Variants in MACROD2 observed in about 807,000 individuals in gnomAD.
MACROD2 encodes mono-ADP ribosylhydrolase 2, also known as ADP-ribose glycohydrolase MACROD2.
In MACROD2, 36 loss-of-function variants were observed where a neutral mutation model predicts 70.4. The ratio of observed to expected loss-of-function variants is 0.51; its 90% CI spans 0.39 to 0.68. MACROD2 has a LOEUF of 0.68. Ranked by LOEUF, MACROD2 falls within the 30% of genes least tolerant of loss-of-function variation. The probability of loss-of-function intolerance (pLI) is 0.00; values close to 1 mark genes in which losing one functional copy is unlikely to be tolerated. For missense variants in MACROD2, 496 were observed against 538.4 expected, an observed-to-expected ratio of 0.92 and a Z score of 0.78; for synonymous variants, 172 against 178.8, an observed-to-expected ratio of 0.96 and a Z score of 0.30.
intron 5 of MACROD2, among the ~76,000 whole-genome samples, chr20:15,166,448 C>G (rs2076384559): frequency 6.6e-6 from 1 of 152,126 alleles, no homozygotes; most frequent in South Asian, 2.1e-4. Flanking sequence ...CCCAAGCAGC[C>G]TGGCATCTTA....
intron 5 of MACROD2, among the ~76,000 whole-genome samples, chr20:15,114,615 G>T (rs371573275): frequency 6.6e-6 from 1 of 152,148 alleles, no homozygotes; most frequent in Admixed American, 6.5e-5. Context: ...ATCCAATTAA[G>T]CCATGCCCAG....
rs192529935 is a variant in MACROD2 at position 14,844,205 on chromosome 20, C to T, written c.418+159246C>T. The stretch of plus-strand genomic sequence containing the variant: ...TCTTCATAGTAAGATAATTTTTTTT[C>T]CCCCAAAATCCCAGTAGTCTGGGTG... On this transcript the variant is annotated intron_variant, in intron 5 of 17. Coordinates refer to ENST00000684519, the MANE Select transcript of MACROD2 (RefSeq NM_001351661.2). 1.1e-4 allele frequency among the ~76,000 whole-genome samples: 16 copies of T among 151,830 alleles called. 2 individuals carry two copies. Among genetic ancestry groups the T allele is most frequent in the Admixed American group, 6.6e-5 (1 of 15,218 alleles).
intron 2 of MACROD2, among the ~76,000 whole-genome samples, chr20:14,069,572 G>T (rs1295008515): frequency 6.7e-6 from 1 of 150,264 alleles, no homozygotes; most frequent in Non-Finnish European, 1.5e-5. Context: ...TACTGAAATG[G>T]CATTAAAAAA....
chr20:14,072,699 C>T (rs2053862979), intron 2 of MACROD2, among the ~76,000 whole-genome samples: 1 of 152,108 alleles, frequency 6.6e-6, no homozygotes, highest in Non-Finnish European at 1.5e-5. Context: ...ACTTTGGGAG[C>T]TGAGGTGGGC....
intron 5 of MACROD2, among the ~76,000 whole-genome samples, chr20:14,808,872 C>A (rs1718536963): frequency 6.6e-6 from 1 of 151,912 alleles, no homozygotes; most frequent in Non-Finnish European, 1.5e-5. Context: ...GGGATCAATG[C>A]AACAAGAAGA....
chr20:15,192,014 G>GTATGTATC lies in MACROD2; in HGVS notation c.419-37923_419-37922insGTATCTAT, dbSNP rs775631414. On this transcript the variant is annotated intron_variant, in intron 5 of 17. Coordinates refer to ENST00000684519, the MANE Select transcript of MACROD2 (RefSeq NM_001351661.2). ...ACTATATGTGCCCTCTATTAACTATGTATCTATCTATCTATCTATCTATCT... is the reference window on the plus strand; with the variant it reads ...ACTATATGTGCCCTCTATTAACTATGTATGTATCTATCTATCTATCTATCTATCTATCT... 5.9e-4 allele frequency among the ~76,000 whole-genome samples: 87 copies of GTATGTATC among 146,388 alleles called. 1 individual carries two copies. Among genetic ancestry groups the GTATGTATC allele is most frequent in the Non-Finnish European group, 7.9e-4 (53 of 67,002 alleles).
chr20:14,775,919 C>T (rs1467656723), intron 5 of MACROD2, among the ~76,000 whole-genome samples: 1 of 151,984 alleles, frequency 6.6e-6, no homozygotes, highest in East Asian at 1.9e-4. Context: ...AAAGAGCAAA[C>T]AGAAGATTGG....
intron 7 of MACROD2, among the ~76,000 whole-genome samples, chr20:15,491,063 A>C (rs1014494809): frequency 5.9e-5 from 9 of 152,202 alleles, no homozygotes; most frequent in African/African-American, 1.7e-4. Flanking sequence ...AATGCTACTA[A>C]GTAGAGTGAC....
At chr20:15,947,174 A>G in intron 12 of MACROD2, among the ~76,000 whole-genome samples, 1 of 152,084 alleles carries the variant, frequency 6.6e-6, no homozygotes, top group East Asian at 1.9e-4. Flanking sequence ...GGCAGGAGAT[A>G]GAGGCCTTCC....
At chr20:14,341,977 T>C (rs1388827324) in intron 3 of MACROD2, among the ~76,000 whole-genome samples, 1 of 152,154 alleles carries the variant, frequency 6.6e-6, no homozygotes, top group Non-Finnish European at 1.5e-5. Flanking sequence ...GTTCCACATA[T>C]CACATTCCCA....
intron 3 of MACROD2, among the ~76,000 whole-genome samples, chr20:14,465,781 C>T (rs2084438239): frequency 6.6e-6 from 1 of 152,042 alleles, no homozygotes; most frequent in African/African-American, 2.4e-5. Context: ...TTTATTTCTC[C>T]TTCACTTATG....
chr20:14,490,359 T>G (rs1600296824), intron 3 of MACROD2, among the ~76,000 whole-genome samples: 1 of 152,214 alleles, frequency 6.6e-6, no homozygotes, highest in East Asian at 1.9e-4. Flanking sequence ...GTTTTCACTT[T>G]GTAAACAGTA....
intron 5 of MACROD2, among the ~76,000 whole-genome samples, chr20:15,176,017 C>T (rs552704068): frequency 1.3e-5 from 2 of 152,250 alleles, no homozygotes; most frequent in Non-Finnish European, 2.9e-5. Flanking sequence ...CCTCTCCCTG[C>T]TCCCAGTACC....
chr20:15,173,420 A>AT (rs558841403), intron 5 of MACROD2, among the ~76,000 whole-genome samples: 216 of 152,176 alleles, frequency 1.4e-3, no homozygotes, highest in African/African-American at 4.9e-3. Context: ...AAGTGATAGG[A>AT]TTTTTTTTAT....
chr20:14,705,451 A>G (rs980173916), intron 5 of MACROD2, among the ~76,000 whole-genome samples: 3 of 152,184 alleles, frequency 2.0e-5, no homozygotes, highest in Non-Finnish European at 2.9e-5. Flanking sequence ...GAGTAAGTCT[A>G]TATCCCCAGG....
At chr20:14,057,735 T>C (rs1197016162) in intron 2 of MACROD2, among the ~76,000 whole-genome samples, 1 of 152,168 alleles carries the variant, frequency 6.6e-6, no homozygotes, top group Non-Finnish European at 1.5e-5. Context: ...CAAAGTAGCA[T>C]TATTTGTATT....
At chr20:14,792,993 A>G (rs2072467959) in intron 5 of MACROD2, among the ~76,000 whole-genome samples, 1 of 152,054 alleles carries the variant, frequency 6.6e-6, no homozygotes. Flanking sequence ...TACTCAAGAA[A>G]CATTTACTGA....
chr20:14,573,023 A>G (rs1412772355), intron 4 of MACROD2, among the ~76,000 whole-genome samples: 1 of 150,836 alleles, frequency 6.6e-6, no homozygotes, highest in African/African-American at 2.4e-5. Context: ...TAGTCTAAGT[A>G]TAAACAATAT....
At chr20:15,677,004 TATAAC>T (rs1345581833) in intron 8 of MACROD2, among the ~76,000 whole-genome samples, 2 of 152,228 alleles carry the variant, frequency 1.3e-5, no homozygotes, top group African/African-American at 4.8e-5. Flanking sequence ...ATTTGCATAA[TATAAC>T]ATATAAATTG....
Sources: gnomAD v4.1 joint callset for allele counts (sites outside exome capture counted in the v4.1 genomes callset) on GRCh38, gnomAD v4.1.1 for gene constraint, MANE v1.5 for transcripts, NCBI Gene and HGNC (gene_info 2026-07-23, HGNC 2026-07-21) for gene names.